Variants in AUTS2 observed in about 807,000 individuals in gnomAD.
AUTS2 encodes activator of transcription and developmental regulator AUTS2.
In AUTS2, 17 loss-of-function variants were observed where a neutral mutation model predicts 112.4. The ratio of observed to expected loss-of-function variants is 0.15; its 90% CI spans 0.10 to 0.23. The LOEUF (loss-of-function observed/expected upper bound fraction) is 0.23, where lower values mean the gene tolerates loss of function less well. Among genes scored for constraint, AUTS2 ranks in the 10% least tolerant of loss-of-function variants. The pLI is 1.00. For missense variants in AUTS2, 1,510 were observed against 1,701.6 expected, an observed-to-expected ratio of 0.89 and a Z score of 1.98; for synonymous variants, 751 against 702.7, an observed-to-expected ratio of 1.07 and a Z score of -1.09.
chr7:70,713,156 G>A lies in AUTS2; in HGVS notation c.742+14536G>A, dbSNP rs200240914. Among the ~76,000 whole-genome samples the A allele has an allele frequency of 2.0e-5, 3 of 152,188 alleles. No homozygotes were observed. The East Asian group carries it at 5.8e-4, about 29-fold the overall frequency. On this transcript the variant is annotated intron_variant, in intron 6 of 18. Transcript: ENST00000342771. ...CTAACTTGCTCAACCGCTTCTGAAA[G>A]ACAAACTGTTCCATCGAGTTCCTTC...
intron 2 of AUTS2, among the ~76,000 whole-genome samples, chr7:69,931,411 A>C (rs1346375273): frequency 6.6e-6 from 1 of 152,208 alleles, no homozygotes; most frequent in African/African-American, 2.4e-5. Flanking sequence ...GCTATTATAC[A>C]TCTTTGGTTT....
chr7:70,345,044 A>G (rs940823200), intron 4 of AUTS2, among the ~76,000 whole-genome samples: 2 of 152,192 alleles, frequency 1.3e-5, no homozygotes, highest in African/African-American at 4.8e-5. Context: ...CCCTCTGTAT[A>G]ATAAGCTTCT....
At chr7:69,782,598 CT>C (rs1789190142) in intron 1 of AUTS2, among the ~76,000 whole-genome samples, 1 of 151,936 alleles carries the variant, frequency 6.6e-6, no homozygotes, top group Admixed American at 6.6e-5. Flanking sequence ...GCCAAAGTCC[CT>C]GGTTGGTATG....
At chr7:70,728,707 CAAAA>C (rs55878540) in intron 6 of AUTS2, among the ~76,000 whole-genome samples, 61 of 81,600 alleles carry the variant, frequency 7.5e-4, no homozygotes, top group East Asian at 3.8e-3. Flanking sequence ...GACTCTGTCT[CAAAA>C]AAAAAAAAAA....
chr7:70,193,263 T>C (rs1809998981), intron 4 of AUTS2, among the ~76,000 whole-genome samples: 1 of 152,206 alleles, frequency 6.6e-6, no homozygotes, highest in Admixed American at 6.5e-5. Flanking sequence ...ACGTATGCAT[T>C]TGTACCTTAT....
intron 4 of AUTS2, among the ~76,000 whole-genome samples, chr7:70,287,108 TG>T (rs1421348032): frequency 5.3e-5 from 8 of 152,256 alleles, no homozygotes; most frequent in Non-Finnish European, 7.3e-5. Flanking sequence ...TTCTACTTTT[TG>T]TCTCAGTTCT....
intron 1 of AUTS2, among the ~76,000 whole-genome samples, chr7:69,779,697 A>G (rs1342795713): frequency 6.7e-6 from 1 of 148,634 alleles, no homozygotes; most frequent in African/African-American, 2.5e-5. Context: ...CGGGAGGCGG[A>G]GGTTGCAGTG....
At chr7:70,473,280 C>T (rs1288459899) in intron 5 of AUTS2, among the ~76,000 whole-genome samples, 1 of 152,164 alleles carries the variant, frequency 6.6e-6, no homozygotes, top group Non-Finnish European at 1.5e-5. Context: ...TGAATTTCAG[C>T]ATGTAACCAG....
chr7:69,619,767 T>C (rs1200752342), intron 1 of AUTS2, among the ~76,000 whole-genome samples: 1 of 152,134 alleles, frequency 6.6e-6, no homozygotes, highest in African/African-American at 2.4e-5. Context: ...ATAAAAACAG[T>C]GAACTAAACA....
chr7:70,640,351 A>G (rs1805748352), intron 5 of AUTS2, among the ~76,000 whole-genome samples: 1 of 147,196 alleles, frequency 6.8e-6, no homozygotes, highest in East Asian at 2.2e-4. Context: ...CAAGGGGAAA[A>G]GTTAGAGCCC....
intron 1 of AUTS2, among the ~76,000 whole-genome samples, chr7:69,613,101 A>G (rs1345708579): frequency 1.3e-5 from 2 of 152,202 alleles, no homozygotes; most frequent in Non-Finnish European, 2.9e-5. Context: ...CGTTAAATCA[A>G]CTTGGCCAGG....
At chr7:70,474,571 A>G (rs1339595774) in intron 5 of AUTS2, among the ~76,000 whole-genome samples, 4 of 152,186 alleles carry the variant, frequency 2.6e-5, no homozygotes, top group Non-Finnish European at 5.9e-5. Context: ...TAAGGAAAAT[A>G]TAAGTATAAC....
intron 4 of AUTS2, among the ~76,000 whole-genome samples, chr7:70,303,078 G>A (rs1442768583): frequency 1.3e-5 from 2 of 152,062 alleles, no homozygotes; most frequent in East Asian, 3.9e-4. Context: ...AATCTTTGAA[G>A]ATAAAATACT....
At chr7:70,470,448 T>C (rs1797334979) in intron 5 of AUTS2, among the ~76,000 whole-genome samples, 1 of 152,212 alleles carries the variant, frequency 6.6e-6, no homozygotes, top group South Asian at 2.1e-4. Flanking sequence ...GGAAGTCTGC[T>C]CAATAGAGAG....
At chr7:70,300,405 A>T (rs1391617277) in intron 4 of AUTS2, among the ~76,000 whole-genome samples, 1 of 152,204 alleles carries the variant, frequency 6.6e-6, no homozygotes, top group Non-Finnish European at 1.5e-5. Flanking sequence ...CAGTCTTAAT[A>T]AAGTATTGCA....
chr7:70,172,433 A>G (rs1292502434), intron 4 of AUTS2, among the ~76,000 whole-genome samples: 1 of 152,132 alleles, frequency 6.6e-6, no homozygotes. Flanking sequence ...TCCTTCTTCG[A>G]TTTCATCAGA....
At chr7:70,239,984 T>C (rs1812525940) in intron 4 of AUTS2, among the ~76,000 whole-genome samples, 1 of 152,078 alleles carries the variant, frequency 6.6e-6, no homozygotes, top group Admixed American at 6.5e-5. Flanking sequence ...TTGGGCCAGA[T>C]GGGATCAGTG....
intron 5 of AUTS2, among the ~76,000 whole-genome samples, chr7:70,671,852 A>C (rs1045830296): frequency 1.3e-5 from 2 of 152,204 alleles, no homozygotes; most frequent in African/African-American, 4.8e-5. Context: ...CCTGTTTGCA[A>C]CCTTTGCTTA....
At chr7:70,244,245 A>C (rs552785497) in intron 4 of AUTS2, among the ~76,000 whole-genome samples, 3 of 152,288 alleles carry the variant, frequency 2.0e-5, no homozygotes, top group African/African-American at 7.2e-5. Flanking sequence ...CATACTGTAG[A>C]TATTACTGTA....
Sources: allele counts gnomAD v4.1 joint callset (sites outside exome capture counted in the v4.1 genomes callset), GRCh38; gene constraint gnomAD v4.1.1; transcripts MANE v1.5; gene names NCBI Gene and HGNC (gene_info 2026-07-23, HGNC 2026-07-21).